The following LRRIQ1 variants were observed in gnomAD, a reference collection of about 807,000 sequenced individuals.
LRRIQ1 encodes leucine-rich repeat- and IQ domain-containing protein 1.
Under a neutral mutation model 211.9 loss-of-function variants are expected in LRRIQ1, and 210 were observed. The ratio of observed to expected loss-of-function variants is 0.99; its 90% CI spans 0.89 to 1.11. The LOEUF (loss-of-function observed/expected upper bound fraction) is 1.11, where lower values mean the gene tolerates loss of function less well. LRRIQ1 is among the 50% of genes most tolerant of loss of function. LRRIQ1 has a pLI of 0.00. For missense variants in LRRIQ1, 2,136 were observed against 1,939.5 expected, an observed-to-expected ratio of 1.10 and a Z score of -1.90; for synonymous variants, 699 against 650.1, an observed-to-expected ratio of 1.08 and a Z score of -1.14.
At chr12:85,222,011 GATAGATTTAAC>G in intron 24 of LRRIQ1, among the ~76,000 whole-genome samples, 1 of 152,230 alleles carries the variant, frequency 6.6e-6, no homozygotes, top group East Asian at 1.9e-4. Flanking sequence ...GAGGGGATTT[GATAGATTTAAC>G]ATAGATGGTA....
intron 24 of LRRIQ1, among the ~76,000 whole-genome samples, chr12:85,223,704 C>T (rs935287199): frequency 5.3e-5 from 8 of 151,864 alleles, no homozygotes; most frequent in Non-Finnish European, 8.8e-5. Flanking sequence ...AGAGTAGAAA[C>T]TAAAATCAAC....
intron 1 of LRRIQ1, among the ~76,000 whole-genome samples, chr12:85,037,313 C>G (rs575049911): frequency 6.6e-6 from 1 of 152,158 alleles, no homozygotes; most frequent in East Asian, 1.9e-4. Flanking sequence ...CTTACCTCCA[C>G]CATACTCTCC....
chr12:85,198,072 T>G (rs868765982), intron 24 of LRRIQ1, among the ~76,000 whole-genome samples: 112 of 105,722 alleles, frequency 1.1e-3, no homozygotes, highest in African/African-American at 4.4e-3. Context: ...AACATATTAT[T>G]TATATATAAT....
chr12:85,124,657 G>C (rs1046799588), intron 17 of LRRIQ1, 138 bp downstream of exon 17: 4 of 674,356 alleles, frequency 5.9e-6, no homozygotes, highest in Admixed American at 2.8e-5. Flanking sequence ...TTATGTTTTC[G>C]TGAGGTGCAT....
chr12:85,107,683 T>A (rs1886876887), intron 15 of LRRIQ1, among the ~76,000 whole-genome samples: 1 of 152,098 alleles, frequency 6.6e-6, no homozygotes, highest in Non-Finnish European at 1.5e-5. Flanking sequence ...ACTTGAATTA[T>A]CCCAGGAGTT....
intron 15 of LRRIQ1, among the ~76,000 whole-genome samples, chr12:85,111,628 A>G (rs993360323): frequency 6.6e-6 from 1 of 152,162 alleles, no homozygotes; most frequent in East Asian, 1.9e-4. Flanking sequence ...TTAGTGAGCA[A>G]TAGAGAACAT....
the LRRIQ1 span, among the ~76,000 whole-genome samples, chr12:85,271,017 G>T: frequency 6.6e-6 from 1 of 152,318 alleles, no homozygotes; most frequent in Non-Finnish European, 1.5e-5. Flanking sequence ...TGATACAATA[G>T]TTATTTGACG....
At chr12:85,229,459 G>A in intron 24 of LRRIQ1, 58 bp from the exon 25 acceptor site, 1 of 1,451,426 alleles carries the variant, frequency 6.9e-7, no homozygotes, top group South Asian at 1.4e-5. Context: ...GATGGAACTG[G>A]TTGGCCAAAG....
intron 24 of LRRIQ1, among the ~76,000 whole-genome samples, chr12:85,172,831 G>C (rs867132728): frequency 6.6e-6 from 1 of 151,984 alleles, no homozygotes; most frequent in African/African-American, 2.4e-5. Flanking sequence ...TATATTGGCC[G>C]GGTGCAGCAG....
chr12:85,224,181 A>G (rs186325511), intron 24 of LRRIQ1, among the ~76,000 whole-genome samples: 1 of 152,262 alleles, frequency 6.6e-6, no homozygotes, highest in East Asian at 1.9e-4. Flanking sequence ...AGAAATGCAA[A>G]TCAAAACCAC....
At chr12:85,074,527 G>A (rs12422975) in intron 11 of LRRIQ1, among the ~76,000 whole-genome samples, 9 of 151,818 alleles carry the variant, frequency 5.9e-5, no homozygotes, top group Non-Finnish European at 1.0e-4. Context: ...TCAGATAGTA[G>A]GTCTTATTCA....
intron 24 of LRRIQ1, among the ~76,000 whole-genome samples, chr12:85,213,744 A>C (rs1893947992): frequency 6.6e-6 from 1 of 152,076 alleles, no homozygotes; most frequent in South Asian, 2.1e-4. Context: ...AGTAGAAGAA[A>C]TCATAATGAT....
At chr12:85,079,656 A>G (rs1163815741) in intron 11 of LRRIQ1, among the ~76,000 whole-genome samples, 2 of 152,188 alleles carry the variant, frequency 1.3e-5, no homozygotes, top group East Asian at 3.8e-4. Context: ...TTTGATTTGT[A>G]GCCATTAGTC....
intron 24 of LRRIQ1, among the ~76,000 whole-genome samples, chr12:85,227,699 A>G (rs913120553): frequency 6.6e-6 from 1 of 152,186 alleles, no homozygotes; most frequent in South Asian, 2.1e-4. Flanking sequence ...ACCAAAAAAG[A>G]GCCCGCATTG....
At chr12:85,176,487 C>A (rs1345076143) in intron 24 of LRRIQ1, among the ~76,000 whole-genome samples, 1 of 148,854 alleles carries the variant, frequency 6.7e-6, no homozygotes, top group Non-Finnish European at 1.5e-5. Context: ...TAAACTATCG[C>A]AAGAACAAAA....
At chr12:85,109,913 AAGCCTCCTGAGT>A (rs1400293493) in intron 15 of LRRIQ1, among the ~76,000 whole-genome samples, 1 of 151,930 alleles carries the variant, frequency 6.6e-6, no homozygotes, top group Non-Finnish European at 1.5e-5. Flanking sequence ...TCCTTTACCA[AAGCCTCCTGAGT>A]AGCTGGGACA....
rs1227589210 is a variant in LRRIQ1, at chr12:85,152,299, G to C, written c.4349G>C (p.Trp1450Ser). The C allele has an allele frequency of 1.2e-6, 2 of 1,610,290 alleles. No individual in the cohort carries two copies. Among genetic ancestry groups the C allele is most frequent in the Non-Finnish European group, 1.7e-6 (2 of 1,177,970 alleles). ...IFDEAALEEE[W>S]LALDSTRFPS... Reference sequence around the variant, plus strand: ...GTGCAGGCTGCCTTAGAAGAAGAATGGCTAGCATTAGATTCCACCCGCTTC... The same window carrying C: ...GTGCAGGCTGCCTTAGAAGAAGAATCGCTAGCATTAGATTCCACCCGCTTC... The change falls in exon 20 of 27, where the codon TGG (tryptophan) becomes TCG (serine). Residue 1450 changes from tryptophan to serine, a missense_variant. Coordinates refer to ENST00000393217, the MANE Select transcript of LRRIQ1 (RefSeq NM_001079910.2).
intron 24 of LRRIQ1, among the ~76,000 whole-genome samples, chr12:85,172,752 A>T (rs985605063): frequency 6.6e-6 from 1 of 152,166 alleles, no homozygotes; most frequent in African/African-American, 2.4e-5. Flanking sequence ...ATCTGTCTCT[A>T]TGTCAAAGGT....
chr12:85,050,179 G>A (rs1880132619), intron 6 of LRRIQ1, among the ~76,000 whole-genome samples: 1 of 152,058 alleles, frequency 6.6e-6, no homozygotes. Flanking sequence ...CTCCCACCAG[G>A]CCCCACCTCC....
Sources: allele counts gnomAD v4.1 joint callset (sites outside exome capture counted in the v4.1 genomes callset), GRCh38; gene constraint gnomAD v4.1.1; transcripts MANE v1.5; gene names NCBI Gene and HGNC (gene_info 2026-07-23, HGNC 2026-07-21).